SYNE2: variants seen among roughly 807,000 people sequenced by gnomAD.
SYNE2 encodes nesprin-2.
In SYNE2, 431 loss-of-function variants were observed where a neutral mutation model predicts 856.3. That is an observed-to-expected ratio of 0.50 (90% CI 0.47 to 0.55). The LOEUF (loss-of-function observed/expected upper bound fraction) is 0.55, where lower values mean the gene tolerates loss of function less well. Among genes scored for constraint, SYNE2 ranks in the 20% least tolerant of loss-of-function variants. The pLI is 0.00. For missense variants in SYNE2, 8,129 were observed against 8,023.2 expected, an observed-to-expected ratio of 1.01 and a Z score of -0.50; for synonymous variants, 2,923 against 2,872.3, an observed-to-expected ratio of 1.02 and a Z score of -0.56.
Position 64,100,555 on chromosome 14 carries a change from T to TATATAGATATATAGATATATAG in SYNE2, c.12382-1372_12382-1371insGATATATAGATATATAGATATA, listed in dbSNP as rs1595522008. ...AAATATATATATATATATATATATATATATATATATATATATTTATGACAT... is the reference window on the plus strand; with the variant it reads ...AAATATATATATATATATATATATATATATAGATATATAGATATATAGATATATATATATATATTTATGACAT... On this transcript the variant is annotated intron_variant, in intron 63 of 115. Transcript: ENST00000555002. Among the ~76,000 whole-genome samples the TATATAGATATATAGATATATAG allele has an allele frequency of 2.1e-4, 26 of 122,048 alleles. 2 individuals carry two copies. Among genetic ancestry groups the TATATAGATATATAGATATATAG allele is most frequent in the Admixed American group, 2.1e-3 (23 of 11,120 alleles). The allele number at this position is 122,048 out of a possible 152,430, so 80.1% of individuals were successfully genotyped here.
chr14:64,132,311 A>G lies in SYNE2; in HGVS notation c.14387A>G (p.Tyr4796Cys). ...LVADMLLIQA[Y>C]SAKILPSLLQ... is the part of the protein sequence containing the mutation. ...GCTGACATGTTGTTGATCCAAGCAT[A>G]CTCTGCCAAAATACTTCCTTCTTTA... The change falls in exon 77 of 116, where the codon TAC becomes TGC. Residue 4796 changes from tyrosine (Y) to cysteine (C), a missense_variant. This residue lies in a region of SYNE2 where 5,410 missense variants were observed against 5,284.8 expected (regional missense o/e 1.02). Transcript: ENST00000555002. The G allele has an allele frequency of 6.2e-7, 1 of 1,614,134 alleles. No homozygotes were observed. Among genetic ancestry groups the G allele is most frequent in the South Asian group, 1.1e-5 (1 of 91,078 alleles).
intron 8 of SYNE2, among the ~76,000 whole-genome samples, chr14:63,955,609 C>A (rs1195559041): frequency 6.6e-6 from 1 of 151,996 alleles, no homozygotes; most frequent in African/African-American, 2.4e-5. Context: ...AGGTCAAGCA[C>A]GTATGAATTC....
Position 64,062,899 on chromosome 14 carries a change from A to G in SYNE2, c.10212+4A>G. ...AGAGCGCTTGGAACAGAGCAAGGTA[A>G]TAGTATTGGCAATTAGCCAGTAAGT... On this transcript the variant is annotated splice_donor_region_variant and intron_variant, in intron 50 of 115. Coordinates refer to ENST00000555002, the MANE Select transcript of SYNE2 (RefSeq NM_182914.3). 1 of 1,614,152 alleles carries G rather than the reference A, an allele frequency of 6.2e-7. No homozygotes were observed. The highest frequency in any genetic ancestry group is 8.5e-7 in the Non-Finnish European group (1 of 1,180,018).
Position 64,126,453 on chromosome 14 carries a change from G to A in SYNE2, c.13681G>A (p.Gly4561Ser). Residue 4561 changes from glycine (G) to serine (S), a missense_variant, in exon 72 of 116, where the codon GGT becomes AGT. This residue lies in a region of SYNE2 where 5,410 missense variants were observed against 5,284.8 expected (regional missense o/e 1.02). Transcript: ENST00000555002. ...GATGCCCAGACTTTACAGGGAGGAT[G>A]GTTCTGGCCAGCAGGTGCACTACGA... is the stretch of plus-strand genomic sequence containing the variant. ...LEMPRLYRED[G>S]SGQQVHYETL... 7.4e-6 allele frequency: 12 copies of A among 1,614,144 alleles called. No individual in the cohort carries two copies. The highest frequency in any genetic ancestry group is 1.1e-5 in the South Asian group (1 of 91,078).
chr14:64,225,107 C>G, intron 115 of SYNE2, 62 bp downstream of exon 115: 1 of 1,591,262 alleles, frequency 6.3e-7, no homozygotes, highest in East Asian at 2.2e-5. Context: ...CTGACTCAGT[C>G]TTGCCAATGC....
At position 64,053,397 on chromosome 14, in the gene SYNE2, T is replaced by G. The variant is rs1820590696; in HGVS notation, c.9484T>G (p.Leu3162Val). 1 of 1,613,670 alleles carries G rather than the reference T, an allele frequency of 6.2e-7. No individual in the cohort carries two copies. The highest frequency in any genetic ancestry group is 1.7e-5 in the Admixed American group (1 of 59,932). ...KNCQDKLETSLHVLNQIKSQL... is the reference protein window; with the variant it reads ...KNCQDKLETSVHVLNQIKSQL... ...TTGTCAGGACAAACTAGAAACTTCC[T>G]TACATGTTTTAAATCAGATAAAATC... The change falls in exon 48 of 116, where the codon TTA (leucine) becomes GTA (valine). Residue 3162 changes from leucine to valine, a missense_variant. Coordinates refer to ENST00000555002, the MANE Select transcript of SYNE2 (RefSeq NM_182914.3).
At chr14:63,863,445 G>A (rs1005868161) in intron 1 of SYNE2, among the ~76,000 whole-genome samples, 4 of 152,100 alleles carry the variant, frequency 2.6e-5, no homozygotes, top group Non-Finnish European at 5.9e-5. Flanking sequence ...ATCTTTAGCC[G>A]CTTCTGTGTG....
At chr14:63,909,359 CT>C in intron 2 of SYNE2, 132 bp downstream of exon 2, 1 of 574,284 alleles carries the variant, frequency 1.7e-6, no homozygotes, top group Non-Finnish European at 3.1e-6. Context: ...CTGTAGAAAC[CT>C]TTTAATATAT....
chr14:63,800,698 A>G (rs1055021809), intron 1 of SYNE2, among the ~76,000 whole-genome samples: 4 of 152,234 alleles, frequency 2.6e-5, no homozygotes, highest in Admixed American at 2.0e-4. Flanking sequence ...ATTCCTAGCA[A>G]ACTAATGCAG....
chr14:64,174,351 C>T (rs2098424237), intron 94 of SYNE2, among the ~76,000 whole-genome samples: 1 of 152,188 alleles, frequency 6.6e-6, no homozygotes, highest in Non-Finnish European at 1.5e-5. Flanking sequence ...GGATTACAGG[C>T]ATGAGCCATC....
rs2153576742 is a variant in SYNE2, at chr14:64,052,445, G to T, written c.8532G>T (p.Arg2844Ser). 1 of 1,613,008 alleles carries T rather than the reference G, an allele frequency of 6.2e-7. No homozygotes were observed. Among genetic ancestry groups the T allele is most frequent in the South Asian group, 1.1e-5 (1 of 90,902 alleles). ...EERSNFFAII[R>S]KFQLMVQESE... The stretch of plus-strand genomic sequence containing the variant: ...GAAGCAATTTTTTTGCTATAATAAG[G>T]AAGTTTCAACTTATGGTTCAAGAAA... The change falls in exon 48 of 116, where the codon AGG (arginine) becomes AGT (serine). Residue 2844 changes from arginine (R) to serine (S), a missense_variant. By Grantham distance (110) the Arg-to-Ser change is moderately radical. Transcript: ENST00000555002.
chr14:63,993,994 A>G, intron 22 of SYNE2, 25 bp downstream of exon 22: 1 of 1,612,490 alleles, frequency 6.2e-7, no homozygotes, highest in Non-Finnish European at 8.5e-7. Flanking sequence ...ATGTTTCTGA[A>G]CTTACGTTTT....
chr14:63,976,816 G>A, intron 12 of SYNE2, 89 bp downstream of exon 12: 1 of 1,370,392 alleles, frequency 7.3e-7, no homozygotes, highest in Non-Finnish European at 1.0e-6. Flanking sequence ...AAGAAGAGAA[G>A]GATAATAGTG....
intron 57 of SYNE2, among the ~76,000 whole-genome samples, chr14:64,083,404 TA>T (rs397941557): frequency 7.2e-4 from 105 of 145,628 alleles, no homozygotes; most frequent in East Asian, 4.5e-3. Flanking sequence ...TATTATGAGT[TA>T]AAAAAAAAAA....
intron 49 of SYNE2, among the ~76,000 whole-genome samples, chr14:64,059,840 C>T (rs1465052504): frequency 6.6e-6 from 1 of 152,186 alleles, no homozygotes; most frequent in Non-Finnish European, 1.5e-5. Context: ...CCTTAGGAAT[C>T]TACCTGGTGC....
At chr14:63,943,463 A>T (rs1341394961) in intron 6 of SYNE2, among the ~76,000 whole-genome samples, 1 of 152,130 alleles carries the variant, frequency 6.6e-6, no homozygotes, top group Non-Finnish European at 1.5e-5. Context: ...CATAACTAAC[A>T]TATAAAATTT....
chr14:64,185,695 A>T (rs978831748), intron 96 of SYNE2, among the ~76,000 whole-genome samples: 9 of 151,322 alleles, frequency 5.9e-5, no homozygotes, highest in African/African-American at 2.2e-4. Flanking sequence ...TAATTTTTGT[A>T]TTTTTAGTAG....
chr14:64,171,432 A>C (rs1272615889), intron 94 of SYNE2, among the ~76,000 whole-genome samples: 1 of 152,266 alleles, frequency 6.6e-6, no homozygotes, highest in East Asian at 1.9e-4. Flanking sequence ...TAAATTAATA[A>C]ATAATAAAAT....
intron 51 of SYNE2, among the ~76,000 whole-genome samples, chr14:64,068,079 C>G (rs2097371224): frequency 6.6e-6 from 1 of 152,116 alleles, no homozygotes; most frequent in Non-Finnish European, 1.5e-5. Context: ...GGAAAATCAT[C>G]AAGGTATTGC....
Sources: allele counts gnomAD v4.1 joint callset (sites outside exome capture counted in the v4.1 genomes callset), GRCh38; gene constraint gnomAD v4.1.1; regional missense constraint gnomAD v4.1.1; transcripts MANE v1.5; gene names NCBI Gene and HGNC (gene_info 2026-07-23, HGNC 2026-07-21).